SLC19A2: variants seen among roughly 807,000 people sequenced by gnomAD.
The protein encoded by SLC19A2 is thiamine transporter 1.
Under a neutral mutation model 44.7 loss-of-function variants are expected in SLC19A2, and 27 were observed. The observed-to-expected ratio is 0.60, with a 90% CI of 0.45 to 0.83. The LOEUF (loss-of-function observed/expected upper bound fraction) is 0.83. Ranked by LOEUF, SLC19A2 falls within the 40% of genes least tolerant of loss-of-function variation. SLC19A2 has a pLI of 0.00. For missense variants in SLC19A2, 566 were observed against 613.7 expected, an observed-to-expected ratio of 0.92 and a Z score of 0.82; for synonymous variants, 239 against 243.6, an observed-to-expected ratio of 0.98 and a Z score of 0.18.
In SLC19A2 at chr1:169,470,647, A is replaced by C. The variant is rs1458277249; in HGVS notation, c.808-461T>G. ...TAGAAATATTGGAAAGAAGTAGACC[A>C]AAATATTAGCAGTTCTCTCTAGGTG... is the stretch of plus-strand genomic sequence containing the variant. On this transcript the variant is annotated intron_variant, in intron 2 of 5. Transcript: ENST00000236137. Among the ~76,000 whole-genome samples, 3 of 152,224 alleles carry C rather than the reference A, an allele frequency of 2.0e-5. No individual in the cohort carries two copies. The East Asian group carries it at 5.8e-4, about 29-fold the overall frequency.
intron 2 of SLC19A2, among the ~76,000 whole-genome samples, chr1:169,470,852 T>C (rs1658155092): frequency 6.6e-6 from 1 of 152,138 alleles, no homozygotes; most frequent in Non-Finnish European, 1.5e-5. Context: ...TGTCAGACAC[T>C]CTGTGAGATA....
At chr1:169,480,534 G>A (rs955683349) in intron 1 of SLC19A2, among the ~76,000 whole-genome samples, 4 of 151,824 alleles carry the variant, frequency 2.6e-5, no homozygotes, top group Non-Finnish European at 5.9e-5. Flanking sequence ...GGCTGGTCTC[G>A]AACTCCTGAC....
chr1:169,481,745 A>G (rs1012626254), intron 1 of SLC19A2, among the ~76,000 whole-genome samples: 7 of 152,232 alleles, frequency 4.6e-5, no homozygotes, highest in African/African-American at 1.7e-4. Context: ...TCTTTGGATC[A>G]GTGCTTGTGT....
At chr1:169,466,036 A>G in intron 5 of SLC19A2, 59 bp from the exon 6 acceptor site, 1 of 1,599,596 alleles carries the variant, frequency 6.3e-7, no homozygotes, top group African/African-American at 1.3e-5. Context: ...ACTCTATAAT[A>G]AAGTATATTC....
intron 2 of SLC19A2, among the ~76,000 whole-genome samples, chr1:169,470,748 TTATAA>T (rs2101775344): frequency 6.6e-6 from 1 of 152,234 alleles, no homozygotes; most frequent in African/African-American, 2.4e-5. Flanking sequence ...AGAAATAGTA[TTATAA>T]TAAAGTAATA....
In SLC19A2 at chr1:169,468,185, C is replaced by T. The variant is rs746375841; in HGVS notation, c.1291G>A (p.Ala431Thr). The T allele has an allele frequency of 8.1e-6, 13 of 1,613,686 alleles. No homozygotes were observed. The highest frequency in any genetic ancestry group is 1.1e-5 in the Non-Finnish European group (13 of 1,179,842). The change falls in exon 5 of 6, where the codon GCC (alanine) becomes ACC (threonine). Residue 431 changes from alanine (A) to threonine (T), a missense_variant. Physicochemically the swap from Ala to Thr is moderately conservative, Grantham distance 58. Transcript: ENST00000236137. The part of the protein sequence containing the change: ...ALVFGVNTFI[A>T]LALQTLLTLI... The stretch of plus-strand genomic sequence containing the variant: ...GTGAGCAGCGTCTGCAGTGCCAGGG[C>T]AATGAAGGTATTTACACCAAATACT...
intron 3 of SLC19A2, chr1:169,469,077 C>T: frequency 1.9e-6 from 1 of 516,378 alleles, no homozygotes. Context: ...AAATGCAGGA[C>T]AAAGACACAG....
At chr1:169,471,616 G>T (rs1332911797) in intron 2 of SLC19A2, among the ~76,000 whole-genome samples, 1 of 150,070 alleles carries the variant, frequency 6.7e-6, no homozygotes, top group Non-Finnish European at 1.5e-5. Flanking sequence ...AGTGATCCGT[G>T]ATCACGCCAC....
intron 4 of SLC19A2, 90 bp from the exon 5 acceptor site, chr1:169,468,342 A>C: frequency 8.7e-7 from 1 of 1,153,890 alleles, no homozygotes; most frequent in Non-Finnish European, 1.2e-6. Flanking sequence ...ATTTATCTTT[A>C]AACATGAAGA....
chr1:169,469,092 A>G, intron 3 of SLC19A2: 1 of 460,056 alleles, frequency 2.2e-6, no homozygotes, highest in East Asian at 4.1e-5. Context: ...ACACAGGGAC[A>G]TTGCTAAGGA....
Position 169,477,643 on chromosome 1 carries a change from T to C in SLC19A2, c.319A>G (p.Ser107Gly), listed in dbSNP as rs113927216. The C allele has an allele frequency of 2.2e-4, 355 of 1,613,902 alleles. No individual in the cohort carries two copies. Among genetic ancestry groups the C allele is most frequent in the Non-Finnish European group, 2.8e-4 (333 of 1,179,980 alleles). Residue 107 changes from serine to glycine, a missense_variant, in exon 2 of 6, where the codon AGC becomes GGC. Ser to Gly is a moderately conservative substitution (Grantham distance 56, BLOSUM62 0). Coordinates refer to ENST00000236137, the MANE Select transcript of SLC19A2 (RefSeq NM_006996.3). ...AGCATAAACCATGTAACAATAAGGC[T>C]GAGCCCCTGCAGTAGAACAACAGGT... The part of the protein sequence containing the change: ...YKPVVLLQGL[S>G]LIVTWFMLLY...
At chr1:169,468,400 C>A (rs1658086961) in intron 4 of SLC19A2, 148 bp from the exon 5 acceptor site, 1 of 733,262 alleles carries the variant, frequency 1.4e-6, no homozygotes, top group African/African-American at 1.8e-5. Context: ...TGAAAACATT[C>A]TGCAACTAAA....
chr1:169,472,879 A>G (rs1330425241), intron 2 of SLC19A2, among the ~76,000 whole-genome samples: 2 of 152,062 alleles, frequency 1.3e-5, no homozygotes, highest in African/African-American at 4.8e-5. Flanking sequence ...TTACATCTAC[A>G]AACAAAGGTT....
At chr1:169,483,016 T>C (rs1399656103) in intron 1 of SLC19A2, among the ~76,000 whole-genome samples, 1 of 152,246 alleles carries the variant, frequency 6.6e-6, no homozygotes, top group Non-Finnish European at 1.5e-5. Context: ...TAAAGATCTG[T>C]TTTACTGAAA....
chr1:169,485,523 G>C, intron 1 of SLC19A2, 40 bp downstream of exon 1: 1 of 1,552,746 alleles, frequency 6.4e-7, no homozygotes, highest in Non-Finnish European at 8.7e-7. Context: ...CCGCAGGCCG[G>C]TCGCCCGCCC....
At chr1:169,467,886 G>C (rs554754907) in intron 5 of SLC19A2, among the ~76,000 whole-genome samples, 2 of 152,342 alleles carry the variant, frequency 1.3e-5, no homozygotes, top group East Asian at 3.9e-4. Flanking sequence ...CCATTGGGCT[G>C]ATGAGTTACA....
At chr1:169,473,739 G>A (rs924328177) in intron 2 of SLC19A2, among the ~76,000 whole-genome samples, 2 of 139,628 alleles carry the variant, frequency 1.4e-5, no homozygotes, top group African/African-American at 5.1e-5. Flanking sequence ...GAGGTGTGAT[G>A]ATGATGATGA....
chr1:169,477,167 G>A lies in SLC19A2; in HGVS notation c.795C>T (p.Pro265=), dbSNP rs201489069. The A allele has an allele frequency of 7.3e-5, 117 of 1,613,568 alleles. No homozygotes were observed. In the Admixed American group the frequency reaches 1.5e-3, roughly 20 times the overall value. ...AGGCTGAGCTTACCGGTTCCTCCAC[G>A]GGAGGCTCCTCCATATTTAGAGGGA... The part of the protein sequence containing the change: ...SKIPLNMEEP[P]VEEPEPKPDR... Residue 265 remains proline, a synonymous_variant, in exon 2 of 6, where the codon CCC becomes CCT. Transcript: ENST00000236137.
intron 1 of SLC19A2, 109 bp downstream of exon 1, chr1:169,485,454 A>C: frequency 7.9e-7 from 1 of 1,269,782 alleles, no homozygotes; most frequent in East Asian, 2.5e-5. Context: ...CAAAATCAGA[A>C]ATCTCTGCCG....
Sources: allele counts gnomAD v4.1 joint callset (sites outside exome capture counted in the v4.1 genomes callset), GRCh38; gene constraint gnomAD v4.1.1; transcripts MANE v1.5; gene names NCBI Gene and HGNC (gene_info 2026-07-23, HGNC 2026-07-21).